Variants in PDZRN4 observed in about 807,000 individuals in gnomAD.
PDZRN4 encodes PDZ domain-containing RING finger protein 4.
In PDZRN4, 70 loss-of-function variants were observed where a neutral mutation model predicts 99.0. The ratio of observed to expected loss-of-function variants is 0.71; its 90% CI spans 0.58 to 0.86. The LOEUF (loss-of-function observed/expected upper bound fraction) is 0.86. Among genes scored for constraint, PDZRN4 ranks in the 40% least tolerant of loss-of-function variants. The probability of loss-of-function intolerance (pLI) is 0.00; values close to 1 mark genes in which losing one functional copy is unlikely to be tolerated. For synonymous variants in PDZRN4, 551 were observed against 501.6 expected (o/e 1.10, Z -1.32); for missense variants, 1,474 against 1,331.2 (o/e 1.11, Z -1.67).
In PDZRN4 at chr12:41,563,458, C is replaced by T. The variant is rs1036228801; in HGVS notation, c.1366-90C>T. ...CATTGTGTGAGCTTCATTGTCCATACATTTACCATAAATGAGCTGATATTT... is the reference window on the plus strand; with the variant it reads ...CATTGTGTGAGCTTCATTGTCCATATATTTACCATAAATGAGCTGATATTT... On this transcript the variant is annotated intron_variant, in intron 7 of 9. Transcript: ENST00000402685. 4.9e-5 allele frequency: 46 copies of T among 930,596 alleles called. No individual in the cohort carries two copies. In the Middle Eastern group the frequency reaches 1.1e-3, roughly 22 times the overall value. 57.6% of individuals were successfully genotyped at this position (930,596 alleles called of 1,614,324 possible).
At chr12:41,495,051 A>G (rs188174174) in intron 3 of PDZRN4, among the ~76,000 whole-genome samples, 72 of 152,260 alleles carry the variant, frequency 4.7e-4, no homozygotes, top group African/African-American at 1.6e-3. Context: ...CTTTGGTAAC[A>G]TACCTTTCTA....
At chr12:41,250,842 T>A (rs955254111) in intron 3 of PDZRN4, among the ~76,000 whole-genome samples, 1 of 152,198 alleles carries the variant, frequency 6.6e-6, no homozygotes. Flanking sequence ...AAGCAGATGT[T>A]ATTGTTTGTC....
intron 9 of PDZRN4, among the ~76,000 whole-genome samples, chr12:41,568,288 A>C (rs777792775): frequency 3.3e-5 from 5 of 152,166 alleles, no homozygotes; most frequent in Admixed American, 6.6e-5. Flanking sequence ...TAATGTATCT[A>C]TTTGAATACT....
Position 41,524,991 on chromosome 12 carries a change from T to G in PDZRN4, c.1203+15078T>G, listed in dbSNP as rs899293042. Among the ~76,000 whole-genome samples the G allele has an allele frequency of 3.3e-4, 51 of 152,304 alleles. 1 individual carries two copies. Among genetic ancestry groups the G allele is most frequent in the Middle Eastern group, 3.4e-3 (1 of 294 alleles). On this transcript the variant is annotated intron_variant, in intron 5 of 9. Transcript: ENST00000402685. ...GGAAAACAAAGGAGTTGAAAGCAGC[T>G]TCTTCATTTTTGAAGTTGAGCTATT...
At chr12:41,328,353 C>A (rs1384151283) in intron 3 of PDZRN4, among the ~76,000 whole-genome samples, 1 of 151,990 alleles carries the variant, frequency 6.6e-6, no homozygotes, top group African/African-American at 2.4e-5. Context: ...CAGACCCCAA[C>A]TCTACAAATA....
chr12:41,215,558 C>T (rs932840333), intron 3 of PDZRN4, among the ~76,000 whole-genome samples: 1 of 151,906 alleles, frequency 6.6e-6, no homozygotes, highest in Non-Finnish European at 1.5e-5. Flanking sequence ...AAGCAAGTAC[C>T]TTTAGTTTTA....
chr12:41,424,003 A>ATGGC (rs1261443607), intron 3 of PDZRN4, among the ~76,000 whole-genome samples: 3 of 152,170 alleles, frequency 2.0e-5, no homozygotes, highest in African/African-American at 7.2e-5. Context: ...CAAAGCTCAT[A>ATGGC]TGGCTCCATT....
chr12:41,551,803 TC>T (rs1939061410), intron 5 of PDZRN4, among the ~76,000 whole-genome samples: 1 of 152,214 alleles, frequency 6.6e-6, no homozygotes, highest in Non-Finnish European at 1.5e-5. Context: ...TGTGTTTTAA[TC>T]CTTGGAAATA....
intron 3 of PDZRN4, among the ~76,000 whole-genome samples, chr12:41,499,516 T>G (rs1252166445): frequency 6.6e-6 from 1 of 151,740 alleles, no homozygotes; most frequent in African/African-American, 2.4e-5. Context: ...AATGCTTTGA[T>G]GGGAAAGCTT....
chr12:41,415,454 T>C (rs1952436785), intron 3 of PDZRN4, among the ~76,000 whole-genome samples: 1 of 151,460 alleles, frequency 6.6e-6, no homozygotes, highest in African/African-American at 2.4e-5. Flanking sequence ...CCTCCTAGAG[T>C]ATAGCAGTAT....
chr12:41,546,018 G>C (rs1938944534), intron 5 of PDZRN4, among the ~76,000 whole-genome samples: 1 of 152,132 alleles, frequency 6.6e-6, no homozygotes, highest in South Asian at 2.1e-4. Context: ...AAAAAGAGGA[G>C]GAATTATGGC....
At chr12:41,509,959 G>A (rs768230841) in intron 5 of PDZRN4, 46 bp downstream of exon 5, 1 of 886,228 alleles carries the variant, frequency 1.1e-6, no homozygotes, top group Admixed American at 2.2e-5. Flanking sequence ...TGAAGTTACG[G>A]TTGAGGGGTT....
intron 3 of PDZRN4, among the ~76,000 whole-genome samples, chr12:41,225,173 T>C (rs1950984718): frequency 6.6e-6 from 1 of 152,168 alleles, no homozygotes; most frequent in Non-Finnish European, 1.5e-5. Flanking sequence ...AATTAATTAT[T>C]GGACTTACGT....
At chr12:41,368,424 C>T (rs916008259) in intron 3 of PDZRN4, among the ~76,000 whole-genome samples, 5 of 152,054 alleles carry the variant, frequency 3.3e-5, no homozygotes, top group Admixed American at 6.6e-5. Flanking sequence ...GCTTCAAACT[C>T]ATGTACATGA....
chr12:41,252,848 A>G (rs929337774), intron 3 of PDZRN4, among the ~76,000 whole-genome samples: 8 of 152,198 alleles, frequency 5.3e-5, no homozygotes, highest in African/African-American at 1.9e-4. Flanking sequence ...AAATATTTTG[A>G]GGTGCTGAAA....
intron 3 of PDZRN4, among the ~76,000 whole-genome samples, chr12:41,499,195 A>G (rs1418653560): frequency 6.6e-6 from 1 of 152,008 alleles, no homozygotes; most frequent in African/African-American, 2.4e-5. Context: ...CTCTCTAACC[A>G]TTGGCTTAAC....
chr12:41,566,783 T>C lies in PDZRN4; in HGVS notation c.1468-1000T>C, dbSNP rs12309627. ...TTGGTGGTGAAAATATCTCAAACTA[T>C]TATCCATGTTTGCTCACTAGAATGC... On this transcript the variant is annotated intron_variant, in intron 8 of 9. Coordinates refer to ENST00000402685, the MANE Select transcript of PDZRN4 (RefSeq NM_001164595.2). Among the ~76,000 whole-genome samples, 1,436 of 152,314 alleles carry C rather than the reference T, an allele frequency of 9.4e-3. 29 individuals are homozygous for C. The highest frequency in any genetic ancestry group is 0.033 in the African/African-American group (1,378 of 41,558).
chr12:41,312,533 G>A (rs1951614122), intron 3 of PDZRN4, among the ~76,000 whole-genome samples: 2 of 152,164 alleles, frequency 1.3e-5, no homozygotes, highest in African/African-American at 2.4e-5. Context: ...AAGGAAAGAG[G>A]TTTAATGGAC....
chr12:41,343,311 A>G (rs1951829985), intron 3 of PDZRN4, among the ~76,000 whole-genome samples: 1 of 151,932 alleles, frequency 6.6e-6, no homozygotes, highest in South Asian at 2.1e-4. Context: ...TTCATTTTTA[A>G]TTGAGCTTAC....
Sources: gnomAD v4.1 joint callset for allele counts (sites outside exome capture counted in the v4.1 genomes callset) on GRCh38, gnomAD v4.1.1 for gene constraint, MANE v1.5 for transcripts, NCBI Gene and HGNC (gene_info 2026-07-23, HGNC 2026-07-21) for gene names.